The following HSPA2 variants were observed in gnomAD, a reference collection of about 807,000 sequenced individuals.
HSPA2 encodes heat shock-related 70 kDa protein 2.
A neutral mutation model predicts 35.0 loss-of-function variants in HSPA2; 13 were observed. The observed-to-expected ratio is 0.37, with a 90% CI of 0.24 to 0.59. The LOEUF (loss-of-function observed/expected upper bound fraction) is 0.59. Among genes scored for constraint, HSPA2 ranks in the 20% least tolerant of loss-of-function variants. The probability of loss-of-function intolerance (pLI) is 0.70; values close to 1 mark genes in which losing one functional copy is unlikely to be tolerated. For synonymous variants in HSPA2, 368 were observed against 382.1 expected (o/e 0.96, Z 0.43); for missense variants, 565 against 885.4 (o/e 0.64, Z 4.59).
rs759702348 is a variant in HSPA2, at chr14:64,541,023, C to T, written c.174C>T (p.Asn58=). Residue 58 remains asparagine (N), a synonymous_variant, in exon 1 of 1, where the codon AAC becomes AAT. Transcript: ENST00000247207. ...TERLIGDAAK[N]QVAMNPTNTI... is the part of the protein sequence containing the mutation. Reference sequence around the variant, plus strand: ...GCCTCATCGGCGACGCCGCCAAGAACCAGGTGGCCATGAACCCCACCAACA... The same window carrying T: ...GCCTCATCGGCGACGCCGCCAAGAATCAGGTGGCCATGAACCCCACCAACA... 102 of 1,614,084 alleles carry T rather than the reference C, an allele frequency of 6.3e-5. No homozygotes were observed. Among genetic ancestry groups the T allele is most frequent in the Non-Finnish European group, 8.6e-5 (101 of 1,180,046 alleles).
Position 64,542,455 on chromosome 14 carries a change from C to G in HSPA2, c.1606C>G (p.Arg536Gly). 5 of 1,613,682 alleles carry G rather than the reference C, an allele frequency of 3.1e-6. No homozygotes were observed. The highest frequency in any genetic ancestry group is 3.4e-6 in the Non-Finnish European group (4 of 1,180,000). The part of the protein sequence containing the change: ...ERYKSEDEAN[R>G]DRVAAKNALE... ...GTACAAATCGGAAGATGAGGCGAAT[C>G]GCGACCGAGTCGCGGCCAAAAACGC... Residue 536 changes from arginine to glycine, a missense_variant, in exon 1 of 1, where the codon CGC becomes GGC. By Grantham distance (125) the Arg-to-Gly change is moderately radical. Coordinates refer to ENST00000247207, the MANE Select transcript of HSPA2 (RefSeq NM_021979.4). This position sits in a 1 kb window ranked among gnomAD's most constrained non-coding sequence, Gnocchi z 5.7.
chr14:64,538,607 T>G (rs966203991), upstream of HSPA2, among the ~76,000 whole-genome samples: 1 of 152,256 alleles, frequency 6.6e-6, no homozygotes, highest in African/African-American at 2.4e-5. Context: ...AACGCACTTT[T>G]CCATCAGCCT....
At chr14:64,539,805 C>T (rs979287191), upstream of HSPA2, among the ~76,000 whole-genome samples, 4 of 152,170 alleles carry the variant, frequency 2.6e-5, no homozygotes, top group African/African-American at 9.7e-5. Flanking sequence ...CCTCAGCCTC[C>T]CGAGTAGCTG....
At position 64,542,548 on chromosome 14, in the gene HSPA2, G is replaced by A; in HGVS notation, c.1699G>A (p.Glu567Lys). The A allele has an allele frequency of 6.2e-7, 1 of 1,613,584 alleles. No individual in the cohort carries two copies. Among genetic ancestry groups the A allele is most frequent in the Non-Finnish European group, 8.5e-7 (1 of 1,179,976 alleles). Residue 567 changes from glutamate to lysine, a missense_variant, in exon 1 of 1, where the codon GAG becomes AAG. Transcript: ENST00000247207. The surrounding 1 kb of genome is among the most constrained non-coding windows in gnomAD (Gnocchi z 5.7). Reference sequence around the variant, plus strand: ...CGAGAAACTGAGGGGCAAGATTAGCGAGCAGGACAAAAACAAGATCCTCGA... The same window carrying A: ...CGAGAAACTGAGGGGCAAGATTAGCAAGCAGGACAAAAACAAGATCCTCGA... Reference protein sequence around the residue: ...EDEKLRGKISEQDKNKILDKC... With the variant: ...EDEKLRGKISKQDKNKILDKC...
At chr14:64,536,428 A>C (rs1293780808), upstream of HSPA2, among the ~76,000 whole-genome samples, 2 of 152,206 alleles carry the variant, frequency 1.3e-5, no homozygotes, top group Non-Finnish European at 2.9e-5. Context: ...TCCCACAATG[A>C]GTAATGCTAA....
In HSPA2 at chr14:64,542,469, G is replaced by A. The variant is rs760461731; in HGVS notation, c.1620G>A (p.Ala540=). 3 of 1,613,600 alleles carry A rather than the reference G, an allele frequency of 1.9e-6. No homozygotes were observed. Among genetic ancestry groups the A allele is most frequent in the Admixed American group, 1.7e-5 (1 of 59,970 alleles). ...ATGAGGCGAATCGCGACCGAGTCGC[G>A]GCCAAAAACGCCCTGGAGTCCTATA... The part of the protein sequence containing the change: ...SEDEANRDRV[A]AKNALESYTY... Residue 540 remains alanine, a synonymous_variant, in exon 1 of 1, where the codon GCG becomes GCA. Transcript: ENST00000247207. This position sits in a 1 kb window ranked among gnomAD's most constrained non-coding sequence, Gnocchi z 5.7.
chr14:64,542,526 G>A lies in HSPA2; in HGVS notation c.1677G>A (p.Glu559=). The A allele has an allele frequency of 6.2e-7, 1 of 1,613,466 alleles. No homozygotes were observed. The highest frequency in any genetic ancestry group is 8.5e-7 in the Non-Finnish European group (1 of 1,179,976). ...TYNIKQTVED[E]KLRGKISEQD... is the part of the protein sequence containing the mutation. ...ACATCAAGCAGACGGTGGAAGACGA[G>A]AAACTGAGGGGCAAGATTAGCGAGC... Residue 559 remains glutamate, a synonymous_variant, in exon 1 of 1, where the codon GAG becomes GAA. Coordinates refer to ENST00000247207, the MANE Select transcript of HSPA2 (RefSeq NM_021979.4). The surrounding 1 kb of genome is among the most constrained non-coding windows in gnomAD (Gnocchi z 5.7).
At chr14:64,539,664 G>A (rs2080007969), upstream of HSPA2, among the ~76,000 whole-genome samples, 1 of 152,006 alleles carries the variant, frequency 6.6e-6, no homozygotes, top group African/African-American at 2.4e-5. Flanking sequence ...GGTTCTCTCC[G>A]CCCGCCAGGC....
At chr14:64,537,346 C>T (rs570667779), upstream of HSPA2, among the ~76,000 whole-genome samples, 3 of 152,236 alleles carry the variant, frequency 2.0e-5, no homozygotes, top group African/African-American at 7.2e-5. Flanking sequence ...AATCCCAGCA[C>T]GTTGGGAGGC....
In HSPA2 at chr14:64,541,494, C is replaced by G. The variant is rs748519012; in HGVS notation, c.645C>G (p.Ile215Met). The G allele has an allele frequency of 3.1e-6, 5 of 1,613,760 alleles. No homozygotes were observed. Among genetic ancestry groups the G allele is most frequent in the Non-Finnish European group, 4.2e-6 (5 of 1,179,904 alleles). ...GGTFDVSILT[I>M]EDGIFEVKST... ...CTTTCGACGTGTCCATCCTGACCAT[C>G]GAGGATGGCATCTTCGAGGTGAAGT... The change falls in exon 1 of 1, where the codon ATC becomes ATG. Residue 215 changes from isoleucine to methionine, a missense_variant. Coordinates refer to ENST00000247207, the MANE Select transcript of HSPA2 (RefSeq NM_021979.4).
rs1472537334 is a variant in HSPA2 at position 64,542,842 on chromosome 14, T to C, written c.*73T>C. The C allele has an allele frequency of 8.0e-5, 119 of 1,489,042 alleles. No homozygotes were observed. The highest frequency in any genetic ancestry group is 1.0e-4 in the Non-Finnish European group (115 of 1,120,472). 92.2% of individuals were successfully genotyped at this position (1,489,042 alleles called of 1,614,324 possible). ...TTTTTTTTTGTTTGTTTCTTTGAAA[T>C]GTCCTTGTGCCAAGTACGAGATCTA... On this transcript the variant is annotated 3_prime_UTR_variant, in exon 1 of 1. Transcript: ENST00000247207. This position sits in a 1 kb window ranked among gnomAD's most constrained non-coding sequence, Gnocchi z 5.7.
At chr14:64,537,972 G>A (rs987909188), upstream of HSPA2, among the ~76,000 whole-genome samples, 3 of 151,972 alleles carry the variant, frequency 2.0e-5, no homozygotes, top group Admixed American at 2.0e-4. Flanking sequence ...TGATCCACGC[G>A]CCTCGGCCTC....
At chr14:64,540,458 CT>C (rs2080017498), upstream of HSPA2, 1 of 257,500 alleles carries the variant, frequency 3.9e-6, no homozygotes, top group Non-Finnish European at 7.5e-6. Flanking sequence ...GAGCGCGCGC[CT>C]AACGCCAGCC....
At chr14:64,536,737 T>A (rs1406189671), upstream of HSPA2, among the ~76,000 whole-genome samples, 1 of 152,214 alleles carries the variant, frequency 6.6e-6, no homozygotes, top group African/African-American at 2.4e-5. Flanking sequence ...AGTCCCTGTC[T>A]CTTAAAACAA....
Position 64,541,837 on chromosome 14 carries a change from G to T in HSPA2, c.988G>T (p.Asp330Tyr). 1 of 1,613,654 alleles carries T rather than the reference G, an allele frequency of 6.2e-7. No homozygotes were observed. The highest frequency in any genetic ancestry group is 8.5e-7 in the Non-Finnish European group (1 of 1,180,042). The change falls in exon 1 of 1, where the codon GAC (aspartate) becomes TAC (tyrosine). Residue 330 changes from aspartate (D) to tyrosine (Y), a missense_variant. This residue lies in a region of HSPA2 where 234 missense variants were observed against 419.0 expected (regional missense o/e 0.56). Coordinates refer to ENST00000247207, the MANE Select transcript of HSPA2 (RefSeq NM_021979.4). ...VEKALRDAKL[D>Y]KGQIQEIVLV... ...GAAGGCGCTGCGCGACGCCAAGCTG[G>T]ACAAGGGCCAGATCCAGGAGATCGT...
upstream of HSPA2, among the ~76,000 whole-genome samples, chr14:64,538,372 G>C (rs909284430): frequency 6.6e-6 from 1 of 152,108 alleles, no homozygotes; most frequent in Non-Finnish European, 1.5e-5. Context: ...AAAGACCATG[G>C]CTCAAAAAGC....
upstream of HSPA2, among the ~76,000 whole-genome samples, chr14:64,538,709 A>G (rs909221507): frequency 6.6e-6 from 1 of 152,162 alleles, no homozygotes; most frequent in African/African-American, 2.4e-5. Flanking sequence ...ACCTCTGAAG[A>G]CCAGGCCATT....
chr14:64,540,077 C>G (rs1415516034), upstream of HSPA2, among the ~76,000 whole-genome samples: 1 of 152,136 alleles, frequency 6.6e-6, no homozygotes, highest in African/African-American at 2.4e-5. Flanking sequence ...CAGACTTTTT[C>G]TTTTCTTTAA....
In HSPA2 at chr14:64,542,400, C is replaced by T; in HGVS notation, c.1551C>T (p.Asp517=). The part of the protein sequence containing the change: ...TNDKGRLSKD[D]IDRMVQEAER... ...ACAAAGGTCGTCTGAGCAAGGACGA[C>T]ATTGACCGGATGGTGCAGGAGGCGG... Residue 517 remains aspartate (D), a synonymous_variant, in exon 1 of 1, where the codon GAC becomes GAT. Coordinates refer to ENST00000247207, the MANE Select transcript of HSPA2 (RefSeq NM_021979.4). This position sits in a 1 kb window ranked among gnomAD's most constrained non-coding sequence, Gnocchi z 5.7. 1 of 1,613,982 alleles carries T rather than the reference C, an allele frequency of 6.2e-7. No homozygotes were observed. The highest frequency in any genetic ancestry group is 8.5e-7 in the Non-Finnish European group (1 of 1,180,018).
Sources: gnomAD v4.1 joint callset for allele counts (sites outside exome capture counted in the v4.1 genomes callset) on GRCh38, gnomAD v4.1.1 for gene constraint, gnomAD v4.1.1 regional missense constraint, Gnocchi (gnomAD v3.1) non-coding constraint, MANE v1.5 for transcripts, NCBI Gene and HGNC (gene_info 2026-07-23, HGNC 2026-07-21) for gene names.